HAUS7: variants seen among roughly 807,000 people sequenced by gnomAD.
The protein encoded by HAUS7 is HAUS augmin-like complex subunit 7.
Under a neutral mutation model 28.4 loss-of-function variants are expected in HAUS7, and 3 were observed. The observed-to-expected ratio is 0.11, with a 90% CI of 0.05 to 0.27. HAUS7 has a LOEUF of 0.27. Among genes scored for constraint, HAUS7 ranks in the 10% least tolerant of loss-of-function variants. The pLI is 1.00. For synonymous variants in HAUS7, 165 were observed against 132.1 expected (o/e 1.25, Z -1.71); for missense variants, 284 against 297.3 (o/e 0.96, Z 0.33).
intron 3 of HAUS7, among the ~76,000 whole-genome samples, chrX:153,464,239 A>G (rs1289334134): frequency 2.7e-5 from 3 of 112,475 alleles, no homozygotes; most frequent in Non-Finnish European, 5.6e-5. Context: ...GTCGGGTCAC[A>G]CATGTGTTGG....
intron 6 of HAUS7, 52 bp from the exon 7 acceptor site, chrX:153,456,416 G>A (rs782259599): frequency 1.7e-6 from 2 of 1,174,096 alleles, no homozygotes; most frequent in East Asian, 6.0e-5. Flanking sequence ...AGGGGTGTCT[G>A]CAGTAACAGA....
intron 4 of HAUS7, chrX:153,462,066 C>T (rs1272713826): frequency 1.2e-6 from 1 of 853,204 alleles, no homozygotes; most frequent in Non-Finnish European, 1.7e-6. Flanking sequence ...GTGAATAAAT[C>T]TCTTCAGATA....
chrX:153,455,120 G>T, intron 8 of HAUS7: 1 of 635,003 alleles, frequency 1.6e-6, no homozygotes, highest in Non-Finnish European at 2.4e-6. Context: ...TGTCTGAGCA[G>T]GCTCATGGGC....
intron 4 of HAUS7, among the ~76,000 whole-genome samples, chrX:153,461,370 G>A (rs908464715): frequency 5.4e-5 from 6 of 110,815 alleles, no homozygotes; most frequent in East Asian, 2.8e-4. Context: ...AGGAGCCCCC[G>A]TGTGCAGGGT....
Position 153,486,541 on chromosome X carries a change from G to A in HAUS7, c.-589+8833C>T, listed in dbSNP as rs978490828. The A allele has an allele frequency of 9.6e-6, 7 of 725,490 alleles. No individual in the cohort carries two copies. In the Admixed American group the frequency reaches 1.8e-4, roughly 19 times the overall value. The allele number at this position is 725,490 out of a possible 1,213,427, so 59.8% of individuals were successfully genotyped here. ...GGCTCGGTCTTACTGCTTCTCTCAG[G>A]GCAGGGGTCTCTGTCTCTTCTTGAA... On this transcript the variant is annotated intron_variant, in intron 1 of 5. Transcript: ENST00000370210.
upstream of HAUS7, chrX:153,470,641 G>A: frequency 9.5e-7 from 1 of 1,051,293 alleles, no homozygotes. Flanking sequence ...CGTTCTTCCC[G>A]CCCACCCGCC....
intron 9 of HAUS7, 136 bp downstream of exon 9, chrX:153,454,258 G>GAAATGA (rs2089273130): frequency 2.3e-6 from 1 of 442,967 alleles, no homozygotes; most frequent in East Asian, 3.9e-5. Flanking sequence ...TCAAGTGAAG[G>GAAATGA]AAAACATGCA....
chrX:153,461,742 G>C (rs1421726788), intron 4 of HAUS7: 1 of 222,921 alleles, frequency 4.5e-6, no homozygotes, highest in African/African-American at 2.9e-5. Flanking sequence ...GCCAGCAAGT[G>C]CCAGCGAGGA....
At chrX:153,455,279 C>T (rs1298716533) in intron 8 of HAUS7, 6 of 438,405 alleles carry the variant, frequency 1.4e-5, no homozygotes, top group Non-Finnish European at 2.4e-5. Context: ...GACCCCACAC[C>T]GGATCTGGGC....
At chrX:153,470,587 T>C, upstream of HAUS7, 1 of 1,164,035 alleles carries the variant, frequency 8.6e-7, no homozygotes, top group Non-Finnish European at 1.2e-6. Context: ...GCCCCGCCCA[T>C]GCCCTGGCTT....
intron 5 of HAUS7, 118 bp downstream of exon 5, chrX:153,457,019 G>T (rs2089321914): frequency 1.9e-6 from 1 of 521,393 alleles, no homozygotes; most frequent in Non-Finnish European, 3.3e-6. Flanking sequence ...TCCCCAAGTG[G>T]GGTGTCACAC....
chrX:153,460,685 A>G (rs1214694679), intron 4 of HAUS7, among the ~76,000 whole-genome samples: 2 of 112,125 alleles, frequency 1.8e-5, no homozygotes, highest in Admixed American at 1.9e-4. Flanking sequence ...ATATAAAGCA[A>G]GCGCAGTGCT....
At position 153,455,578 on chromosome X, in the gene HAUS7, G is replaced by C; in HGVS notation, c.894C>G (p.Ile298Met). 8.3e-7 allele frequency: 1 copy of C among 1,208,680 alleles called. No homozygotes were observed. The highest frequency in any genetic ancestry group is 1.1e-6 in the Non-Finnish European group (1 of 892,782). The change falls in exon 8 of 10, where the codon ATC (isoleucine) becomes ATG (methionine). Residue 298 changes from isoleucine to methionine, a missense_variant. Ile to Met is a conservative substitution (Grantham distance 10). Transcript: ENST00000370211. ...GPDLHPCGPI[I>M]QATHQNLTSY... ...AAGTCAGATTCTGGTGCGTGGCCTG[G>C]ATGATGGGGCCGCACGGGTGGAGGT...
At chrX:153,449,429 G>A (rs1045940677) in intron 9 of HAUS7, among the ~76,000 whole-genome samples, 1 of 112,424 alleles carries the variant, frequency 8.9e-6, no homozygotes, top group Non-Finnish European at 1.9e-5. Flanking sequence ...GCTTCCTGCC[G>A]CAATGCGCAC....
intron 1 of HAUS7, 27 bp downstream of exon 1, chrX:153,470,423 T>G (rs1173522040): frequency 8.4e-7 from 1 of 1,186,528 alleles, no homozygotes; most frequent in Non-Finnish European, 1.1e-6. Context: ...TCCCCCGCCC[T>G]GGAGTGGCTT....
intron 9 of HAUS7, among the ~76,000 whole-genome samples, chrX:153,448,360 C>T (rs1302729463): frequency 3.6e-5 from 3 of 83,722 alleles, no homozygotes; most frequent in East Asian, 3.8e-4. Context: ...CACTTGGACA[C>T]AGGAAGGGGA....
chrX:153,461,847 GCA>G (rs2089396154), intron 4 of HAUS7: 2 of 303,027 alleles, frequency 6.6e-6, no homozygotes, highest in Non-Finnish European at 1.2e-5. Context: ...GAAAAGTTAA[GCA>G]CAGAGTGACC....
At chrX:153,484,875 C>T (rs1316231680) in intron 1 of HAUS7, among the ~76,000 whole-genome samples, 1 of 112,755 alleles carries the variant, frequency 8.9e-6, no homozygotes, top group Non-Finnish European at 1.9e-5. Context: ...CATCTCTTTT[C>T]GGGCTGGTGG....
chrX:153,476,194 G>A (rs2089562015), intron 1 of HAUS7, among the ~76,000 whole-genome samples: 1 of 112,329 alleles, frequency 8.9e-6, no homozygotes. Context: ...CTCAAATTGG[G>A]CCCAACCCTT....
Sources: allele counts gnomAD v4.1 joint callset (sites outside exome capture counted in the v4.1 genomes callset), GRCh38; gene constraint gnomAD v4.1.1; transcripts MANE v1.5; gene names NCBI Gene and HGNC (gene_info 2026-07-23, HGNC 2026-07-21).